Variants in CFAP299 observed in about 807,000 individuals in gnomAD.
CFAP299 encodes cilia and flagella associated protein 299, also known as cilia- and flagella-associated protein 299.
CFAP299 carries 21 observed loss-of-function variants against 27.0 expected under a neutral mutation model. The observed-to-expected ratio is 0.78, with a 90% CI of 0.55 to 1.12. The LOEUF is 1.12. Among genes scored for constraint, CFAP299 ranks in the 50% most tolerant of loss-of-function variants. CFAP299 has a pLI of 0.00. For synonymous variants in CFAP299, 104 were observed against 98.1 expected (o/e 1.06, Z -0.36); for missense variants, 310 against 276.6 (o/e 1.12, Z -0.86).
chr4:80,804,928 A>G (rs1252192936), intron 3 of CFAP299, among the ~76,000 whole-genome samples: 1 of 152,036 alleles, frequency 6.6e-6, no homozygotes, highest in African/African-American at 2.4e-5. Flanking sequence ...TGTATGCCTT[A>G]TAGCTTTTAT....
chr4:80,784,818 T>C lies in CFAP299; in HGVS notation c.334-85175T>C, dbSNP rs117085192. Among the ~76,000 whole-genome samples, 944 of 152,320 alleles carry C rather than the reference T, an allele frequency of 6.2e-3. 72 individuals are homozygous for C. In the East Asian group the frequency reaches 0.16, roughly 26 times the overall value. The stretch of plus-strand genomic sequence containing the variant: ...GATTACAGGCATGAGCCACCACTCC[T>C]GGTCTTGTTGGCCATTTTTATTTCT... On this transcript the variant is annotated intron_variant, in intron 3 of 5. Coordinates refer to ENST00000358105, the MANE Select transcript of CFAP299 (RefSeq NM_152770.3).
chr4:80,341,835 G>A (rs1722473589), intron 1 of CFAP299, among the ~76,000 whole-genome samples: 1 of 152,170 alleles, frequency 6.6e-6, no homozygotes, highest in Admixed American at 6.5e-5. Context: ...GCCTGAATTG[G>A]CAGAGGTAGG....
chr4:80,913,371 C>T (rs550938687), intron 4 of CFAP299, among the ~76,000 whole-genome samples: 203 of 152,264 alleles, frequency 1.3e-3, no homozygotes, highest in Non-Finnish European at 2.5e-3. Flanking sequence ...TATGCATTTT[C>T]GGTTCCAACT....
chr4:80,387,786 TG>T, intron 2 of CFAP299: 1 of 1,586,150 alleles, frequency 6.3e-7, no homozygotes, highest in Middle Eastern at 1.7e-4. Flanking sequence ...TGTCACAGTA[TG>T]GGCACTTGAG....
intron 2 of CFAP299, among the ~76,000 whole-genome samples, chr4:80,397,984 C>G (rs1186361145): frequency 6.6e-6 from 1 of 152,192 alleles, no homozygotes; most frequent in East Asian, 1.9e-4. Context: ...GCAACTTCAG[C>G]AAAGTCTCAG....
chr4:80,663,691 G>C (rs1296473055), intron 3 of CFAP299, among the ~76,000 whole-genome samples: 1 of 152,154 alleles, frequency 6.6e-6, no homozygotes. Context: ...TCTGGTTCTA[G>C]ATCCTTGAGG....
chr4:80,654,411 C>A (rs2109973667), intron 3 of CFAP299, among the ~76,000 whole-genome samples: 1 of 152,156 alleles, frequency 6.6e-6, no homozygotes, highest in East Asian at 1.9e-4. Flanking sequence ...GGCTTTCTTC[C>A]TTTCTTCAGC....
At chr4:80,779,947 G>T (rs1019929601) in intron 3 of CFAP299, among the ~76,000 whole-genome samples, 1 of 152,196 alleles carries the variant, frequency 6.6e-6, no homozygotes. Flanking sequence ...ATACTGTGGA[G>T]CAGAGCTTGG....
intron 2 of CFAP299, chr4:80,387,149 G>A (rs1725057412): frequency 2.9e-6 from 4 of 1,378,470 alleles, no homozygotes; most frequent in African/African-American, 2.8e-5. Context: ...CTTGTAGACG[G>A]CACTGCCCTT....
chr4:80,686,713 C>T (rs552797870), intron 3 of CFAP299, among the ~76,000 whole-genome samples: 4 of 152,226 alleles, frequency 2.6e-5, no homozygotes, highest in Admixed American at 1.3e-4. Flanking sequence ...GGAGGATGGC[C>T]TTTCTTGAGC....
intron 2 of CFAP299, among the ~76,000 whole-genome samples, chr4:80,369,079 T>A (rs1017893617): frequency 6.6e-6 from 1 of 152,198 alleles, no homozygotes; most frequent in Non-Finnish European, 1.5e-5. Flanking sequence ...CCACATGGGA[T>A]GAAATAGCCA....
intron 2 of CFAP299, among the ~76,000 whole-genome samples, chr4:80,408,339 C>T (rs1022428270): frequency 6.6e-6 from 1 of 152,072 alleles, no homozygotes; most frequent in African/African-American, 2.4e-5. Context: ...TCATTGTGCT[C>T]TTGATTTATG....
At chr4:80,499,261 AAAT>A (rs1485987305) in intron 2 of CFAP299, among the ~76,000 whole-genome samples, 1 of 152,168 alleles carries the variant, frequency 6.6e-6, no homozygotes, top group African/African-American at 2.4e-5. Flanking sequence ...AAAAAAGAAA[AAAT>A]AAATATTTGT....
At chr4:80,683,221 G>T (rs532507242) in intron 3 of CFAP299, among the ~76,000 whole-genome samples, 3 of 152,248 alleles carry the variant, frequency 2.0e-5, no homozygotes, top group South Asian at 2.1e-4. Context: ...TTATTGATTT[G>T]CAAAGCTCTA....
At chr4:80,714,115 C>T (rs1722338102) in intron 3 of CFAP299, among the ~76,000 whole-genome samples, 3 of 152,060 alleles carry the variant, frequency 2.0e-5, no homozygotes, top group Admixed American at 1.3e-4. Context: ...TGCTGTCTCG[C>T]TCCTTGAGGG....
intron 3 of CFAP299, among the ~76,000 whole-genome samples, chr4:80,667,765 T>G (rs1273192533): frequency 1.3e-5 from 2 of 152,208 alleles, no homozygotes; most frequent in African/African-American, 4.8e-5. Flanking sequence ...CTGTTGTGAA[T>G]AGTGCTGCAA....
intron 3 of CFAP299, among the ~76,000 whole-genome samples, chr4:80,861,396 G>T (rs535245706): frequency 6.6e-6 from 1 of 152,030 alleles, no homozygotes; most frequent in Non-Finnish European, 1.5e-5. Context: ...GCTTTGGCTC[G>T]TGCACGGTGC....
chr4:80,553,577 C>T (rs906759928), intron 2 of CFAP299, among the ~76,000 whole-genome samples: 3 of 152,184 alleles, frequency 2.0e-5, no homozygotes, highest in African/African-American at 7.2e-5. Flanking sequence ...TTTGAGGAAT[C>T]ACCATACTGC....
intron 2 of CFAP299, among the ~76,000 whole-genome samples, chr4:80,394,891 T>G (rs1267361115): frequency 6.6e-6 from 1 of 152,158 alleles, no homozygotes; most frequent in African/African-American, 2.4e-5. Flanking sequence ...TTGCTCAAGA[T>G]TTCTTTGGCT....
Sources: allele counts gnomAD v4.1 joint callset (sites outside exome capture counted in the v4.1 genomes callset), GRCh38; gene constraint gnomAD v4.1.1; transcripts MANE v1.5; gene names NCBI Gene and HGNC (gene_info 2026-07-23, HGNC 2026-07-21).